The following SPIDR variants were observed in gnomAD, a reference collection of about 807,000 sequenced individuals.
SPIDR encodes the protein scaffold protein involved in DNA repair.
SPIDR carries 93 observed loss-of-function variants against 104.6 expected under a neutral mutation model. The ratio of observed to expected loss-of-function variants is 0.89; its 90% confidence interval spans 0.75 to 1.06. The LOEUF (loss-of-function observed/expected upper bound fraction) is 1.06, where lower values mean the gene tolerates loss of function less well. Among genes scored for constraint, SPIDR ranks in the 50% least tolerant of loss-of-function variants. The pLI, the probability that SPIDR is intolerant of heterozygous loss-of-function variation, is 0.00. For synonymous variants in SPIDR, 431 were observed against 416.9 expected (o/e 1.03, Z -0.41); for missense variants, 1,154 against 1,111.2 (o/e 1.04, Z -0.55).
chr8:47,563,447 T>C (rs933994731), intron 8 of SPIDR, among the ~76,000 whole-genome samples: 2 of 152,166 alleles, frequency 1.3e-5, no homozygotes, highest in Admixed American at 6.5e-5. Context: ...GTTGGGATTA[T>C]ACAGGTGTGA....
intron 5 of SPIDR, among the ~76,000 whole-genome samples, chr8:47,345,004 T>G (rs1431372108): frequency 6.6e-6 from 1 of 152,256 alleles, no homozygotes; most frequent in Non-Finnish European, 1.5e-5. Context: ...TTGTTGCCAT[T>G]GCTTTTGGTG....
chr8:47,732,064 C>T, intron 19 of SPIDR: 1 of 690,098 alleles, frequency 1.4e-6, no homozygotes, highest in South Asian at 1.5e-5. Flanking sequence ...TCCCTGGTCA[C>T]CATCCAGGAA....
chr8:47,674,161 A>C (rs1412635068), intron 11 of SPIDR, among the ~76,000 whole-genome samples: 1 of 152,188 alleles, frequency 6.6e-6, no homozygotes, highest in Non-Finnish European at 1.5e-5. Context: ...CATGATTCAT[A>C]ATTTTATTAA....
At chr8:47,525,453 A>T (rs2084825693) in intron 8 of SPIDR, among the ~76,000 whole-genome samples, 1 of 152,174 alleles carries the variant, frequency 6.6e-6, no homozygotes, top group Non-Finnish European at 1.5e-5. Flanking sequence ...AAAACTTAGA[A>T]AATTTTATGT....
intron 8 of SPIDR, among the ~76,000 whole-genome samples, chr8:47,495,518 C>G (rs2079308144): frequency 6.6e-6 from 1 of 152,092 alleles, no homozygotes; most frequent in African/African-American, 2.4e-5. Context: ...AATAGAAACC[C>G]TGTACCCATT....
At chr8:47,577,928 A>G (rs2059307587) in intron 8 of SPIDR, among the ~76,000 whole-genome samples, 1 of 152,212 alleles carries the variant, frequency 6.6e-6, no homozygotes, top group Non-Finnish European at 1.5e-5. Context: ...CTCTAGAGTC[A>G]CACTGGGAGA....
rs551992247 is a variant in SPIDR at position 47,508,881 on chromosome 8, G to A, written c.1097+68339G>A. Among the ~76,000 whole-genome samples, 42 of 152,206 alleles carry A rather than the reference G, an allele frequency of 2.8e-4. No homozygotes were observed. The South Asian group carries it at 8.5e-3, about 31-fold the overall frequency. On this transcript the variant is annotated intron_variant, in intron 8 of 19. Transcript: ENST00000297423. ...CTCAAAAGTAGCTGCACATCCTTTG[G>A]GAATGGGTAGAAGAAAGACTTGTTA... is the stretch of plus-strand genomic sequence containing the variant.
chr8:47,299,515 C>G (rs1239417366), intron 5 of SPIDR, among the ~76,000 whole-genome samples: 1 of 152,170 alleles, frequency 6.6e-6, no homozygotes, highest in African/African-American at 2.4e-5. Context: ...GAGAGGGCAT[C>G]CCTGTCTTGT....
intron 11 of SPIDR, among the ~76,000 whole-genome samples, chr8:47,699,564 T>G (rs527394531): frequency 1.3e-5 from 2 of 152,248 alleles, no homozygotes; most frequent in East Asian, 3.9e-4. Flanking sequence ...CAGATAACTT[T>G]TTTTTTTTGA....
intron 16 of SPIDR, among the ~76,000 whole-genome samples, chr8:47,722,321 T>G (rs1234483094): frequency 6.6e-6 from 1 of 152,222 alleles, no homozygotes; most frequent in Non-Finnish European, 1.5e-5. Context: ...GTGAACAGTT[T>G]TCTTTCTTCC....
chr8:47,599,653 AATG>A (rs1257325460), intron 10 of SPIDR, among the ~76,000 whole-genome samples: 5 of 152,190 alleles, frequency 3.3e-5, no homozygotes, highest in Non-Finnish European at 7.3e-5. Flanking sequence ...AACTTTCTGC[AATG>A]ATGTAAATGT....
At position 47,282,044 on chromosome 8, in the gene SPIDR, T is replaced by A. The variant is rs928897627; in HGVS notation, c.190-1984T>A. Among the ~76,000 whole-genome samples, 3 of 152,354 alleles carry A rather than the reference T, an allele frequency of 2.0e-5. No individual in the cohort carries two copies. In the East Asian group the frequency reaches 5.8e-4, roughly 29 times the overall value. On this transcript the variant is annotated intron_variant, in intron 2 of 19. Transcript: ENST00000297423. ...ATAGCTCTTGGGTGACCAGGTGCATTGTCAATCAGCAGTAATAGTTTGAAA... is the reference window on the plus strand; with the variant it reads ...ATAGCTCTTGGGTGACCAGGTGCATAGTCAATCAGCAGTAATAGTTTGAAA...
In SPIDR at chr8:47,448,990, G is replaced by A. The variant is rs190718521; in HGVS notation, c.1097+8448G>A. Among the ~76,000 whole-genome samples, 6 of 152,206 alleles carry A rather than the reference G, an allele frequency of 3.9e-5. No individual in the cohort carries two copies. In the East Asian group the frequency reaches 1.2e-3, roughly 29 times the overall value. On this transcript the variant is annotated intron_variant, in intron 8 of 19. Coordinates refer to ENST00000297423, the MANE Select transcript of SPIDR (RefSeq NM_001080394.4). ...TTAACAAGCTGAGATTTACAGGAGA[G>A]ACATTATGATCTGATTCACCCTTTA...
intron 5 of SPIDR, among the ~76,000 whole-genome samples, chr8:47,325,375 C>T (rs2154264880): frequency 6.6e-6 from 1 of 151,892 alleles, no homozygotes; most frequent in South Asian, 2.1e-4. Context: ...ATTTCTGGGA[C>T]AAGAGGAAAA....
At chr8:47,569,497 T>C (rs1415658230) in intron 8 of SPIDR, among the ~76,000 whole-genome samples, 1 of 152,198 alleles carries the variant, frequency 6.6e-6, no homozygotes, top group Non-Finnish European at 1.5e-5. Context: ...TTTTCCAGGA[T>C]AGATTATTTG....
intron 5 of SPIDR, among the ~76,000 whole-genome samples, chr8:47,350,515 T>C (rs1236981309): frequency 1.3e-5 from 2 of 151,834 alleles, no homozygotes; most frequent in Non-Finnish European, 2.9e-5. Context: ...GGTTTCACCA[T>C]GTTGTCCAGG....
At chr8:47,538,512 C>T (rs1276377935) in intron 8 of SPIDR, among the ~76,000 whole-genome samples, 1 of 152,000 alleles carries the variant, frequency 6.6e-6, no homozygotes, top group African/African-American at 2.4e-5. Context: ...CCACTGCACC[C>T]CAACCTAGAC....
chr8:47,407,993 G>A, intron 7 of SPIDR, 32 bp downstream of exon 7: 1 of 1,199,262 alleles, frequency 8.3e-7, no homozygotes, highest in Non-Finnish European at 1.2e-6. Flanking sequence ...GAGACAATGT[G>A]TAAAAAAATA....
chr8:47,701,526 A>G (rs1752201476), intron 12 of SPIDR, among the ~76,000 whole-genome samples, 195 bp from the exon 13 acceptor site: 1 of 152,222 alleles, frequency 6.6e-6, no homozygotes. Context: ...TTGAATTAAT[A>G]GGTTCATAAG....
Sources: gnomAD v4.1 joint callset for allele counts (sites outside exome capture counted in the v4.1 genomes callset) on GRCh38, gnomAD v4.1.1 for gene constraint, MANE v1.5 for transcripts, NCBI Gene and HGNC (gene_info 2026-07-23, HGNC 2026-07-21) for gene names.